Variants in NBPF9 observed in about 807,000 individuals in gnomAD.
NBPF9 encodes the protein NBPF family member NBPF9.
Under a neutral mutation model 97.8 loss-of-function variants are expected in NBPF9, and 91 were observed. That is an observed-to-expected ratio of 0.93 (90% CI 0.79 to 1.11). NBPF9 has a LOEUF of 1.11. Among genes scored for constraint, NBPF9 ranks in the 50% least tolerant of loss-of-function variants. The probability of loss-of-function intolerance (pLI) is 0.00; values close to 1 mark genes in which losing one functional copy is unlikely to be tolerated. For missense variants in NBPF9, 992 were observed against 939.5 expected (o/e 1.06, Z -0.73); for synonymous variants, 334 against 359.5 (o/e 0.93, Z 0.80).
At position 149,082,180 on chromosome 1, in the gene NBPF9, G is replaced by C. The variant is rs2080527005; in HGVS notation, c.-35-6C>G. The C allele has an allele frequency of 1.2e-6, 2 of 1,611,620 alleles. No individual in the cohort carries two copies. Among genetic ancestry groups the C allele is most frequent in the Admixed American group, 3.3e-5 (2 of 60,014 alleles). On this transcript the variant is annotated splice_polypyrimidine_tract_variant and splice_region_variant and intron_variant, in intron 6 of 29. Coordinates refer to ENST00000584027, the Ensembl canonical transcript of NBPF9. ...AGAAGAGGTGGGGCCAGGGACTGGG[G>C]AGAAGAAACCCAAACATATGATGGG...
intron 5 of NBPF9, among the ~76,000 whole-genome samples, chr1:149,089,942 G>A (rs1295027814): frequency 2.6e-5 from 4 of 152,138 alleles, no homozygotes; most frequent in Non-Finnish European, 4.4e-5. Context: ...AGAGTCAGGG[G>A]CAGCATCAGC....
At chr1:149,061,740 T>C in intron 22 of NBPF9, 2 of 265,924 alleles carry the variant, frequency 7.5e-6, no homozygotes, top group South Asian at 2.9e-5. Context: ...AGCTCGTTCA[T>C]GGATGCAAGA....
rs1456845942 is a variant in NBPF9 at position 149,061,434 on chromosome 1, C to T, written c.2252-51G>A. On this transcript the variant is annotated intron_variant, in intron 22 of 29. Transcript: ENST00000584027. ...ACAAAATAAGCCAATTCACCTACACCCATAACAGTCCACTGTCTAATCCCC... is the reference window on the plus strand; with the variant it reads ...ACAAAATAAGCCAATTCACCTACACTCATAACAGTCCACTGTCTAATCCCC... 678 of 388,122 alleles carry T rather than the reference C, an allele frequency of 1.7e-3. 206 individuals are homozygous for T. The highest frequency in any genetic ancestry group is 2.7e-3 in the Non-Finnish European group (601 of 219,582). The allele number at this position is 388,122 out of a possible 1,614,324, so 24.0% of individuals were successfully genotyped here. A position where few individuals can be genotyped will look rare whatever the true frequency, so the allele number is the denominator to read the frequency against.
chr1:149,101,872 C>T (rs1553245249), intron 2 of NBPF9, among the ~76,000 whole-genome samples: 28 of 146,586 alleles, frequency 1.9e-4, no homozygotes, highest in Middle Eastern at 3.7e-3. Flanking sequence ...TCTAGTAATG[C>T]TCTATTTCTT....
At chr1:149,055,420 G>C (rs1175208525) in exon 30 of NBPF9, 21 of 687,638 alleles carry the variant, frequency 3.1e-5, no homozygotes, top group Non-Finnish European at 4.8e-5. Context: ...ATGTCTGACT[G>C]ATCACTCCCG....
At chr1:149,062,587 A>T (rs1553650383) in intron 21 of NBPF9, among the ~76,000 whole-genome samples, 2 of 138,836 alleles carry the variant, frequency 1.4e-5, no homozygotes, top group Non-Finnish European at 1.6e-5. Flanking sequence ...TCATGAAAAG[A>T]GTGGGCTCAA....
At chr1:149,077,681 C>T (rs1382341331) in intron 10 of NBPF9, among the ~76,000 whole-genome samples, 1 of 152,110 alleles carries the variant, frequency 6.6e-6, no homozygotes, top group Admixed American at 6.6e-5. Context: ...TCAGCTATCC[C>T]TGTATGGTAC....
chr1:149,085,119 C>T (rs1553658063), intron 5 of NBPF9, among the ~76,000 whole-genome samples: 1 of 151,992 alleles, frequency 6.6e-6, no homozygotes, highest in African/African-American at 2.4e-5. Context: ...CTCCACACAC[C>T]TTATTGCTGC....
chr1:149,073,796 C>T (rs2079614816), exon 13 of NBPF9: 3 of 1,576,646 alleles, frequency 1.9e-6, no homozygotes, highest in South Asian at 1.1e-5. Flanking sequence ...TTCAGCTGCT[C>T]TGCAAGCTTC....
chr1:149,071,181 C>A (rs1477373669), intron 15 of NBPF9, 42 bp from the exon 16 acceptor site: 5 of 1,301,850 alleles, frequency 3.8e-6, no homozygotes, highest in Non-Finnish European at 5.5e-6. Flanking sequence ...AGATTAAACA[C>A]AGAGGGATTG....
At chr1:149,094,331 ATG>A (rs1214709334) in intron 4 of NBPF9, among the ~76,000 whole-genome samples, 1 of 123,596 alleles carries the variant, frequency 8.1e-6, no homozygotes, top group East Asian at 2.4e-4. Flanking sequence ...GACTACTATT[ATG>A]TTTCCCCAAA....
chr1:149,097,674 T>C (rs1401503528), intron 4 of NBPF9, among the ~76,000 whole-genome samples: 1 of 152,008 alleles, frequency 6.6e-6, no homozygotes. Flanking sequence ...TTTCTCCCCC[T>C]CTCAATGCCT....
At chr1:149,062,711 A>G (rs4086313) in intron 21 of NBPF9, 151 bp downstream of exon 21, 1 of 696,448 alleles carries the variant, frequency 1.4e-6, no homozygotes, top group Non-Finnish European at 2.6e-6. Context: ...GGAAACCTAA[A>G]CATCTACTGC....
At chr1:149,069,319 C>T (rs1235174548) in intron 17 of NBPF9, among the ~76,000 whole-genome samples, 1 of 151,490 alleles carries the variant, frequency 6.6e-6, no homozygotes, top group Non-Finnish European at 1.5e-5. Context: ...TTCAAAAAAT[C>T]AATGAATCCA....
chr1:149,055,403 A>C (rs1553648492), exon 30 of NBPF9: 1 of 672,858 alleles, frequency 1.5e-6, no homozygotes, highest in East Asian at 3.0e-5. Context: ...ACGTGGTTCA[A>C]ATTAAAATGT....
chr1:149,064,919 T>A (rs1553651314), intron 18 of NBPF9: 1 of 526,002 alleles, frequency 1.9e-6, no homozygotes, highest in Admixed American at 3.3e-5. Context: ...AAAATGTAAC[T>A]TGGTTCTACA....
rs1196535929 is a variant in NBPF9 at position 149,061,505 on chromosome 1, C to G, written c.2252-122G>C. 2.8e-4 allele frequency: 138 copies of G among 485,810 alleles called. 48 individuals are homozygous for G. The highest frequency in any genetic ancestry group is 2.4e-3 in the South Asian group (115 of 47,556). The allele number at this position is 485,810 out of a possible 1,614,324, so 30.1% of individuals were successfully genotyped here. A position where few individuals can be genotyped will look rare whatever the true frequency, so the allele number is the denominator to read the frequency against. On this transcript the variant is annotated intron_variant, in intron 22 of 29. Transcript: ENST00000584027. Reference sequence around the variant, plus strand: ...TCAGCATGAGCACAGGACAATGTGACAGATATACTTCAGGAAGCCTGAAAG... The same window carrying G: ...TCAGCATGAGCACAGGACAATGTGAGAGATATACTTCAGGAAGCCTGAAAG...
exon 1 of NBPF9, chr1:149,103,458 C>T (rs2082286520): frequency 6.6e-6 from 1 of 152,402 alleles, no homozygotes; most frequent in African/African-American, 2.4e-5. Context: ...CCTCGCGACG[C>T]TCACCTACCC....
exon 16 of NBPF9, chr1:149,071,108 G>A: frequency 1.9e-6 from 3 of 1,606,036 alleles, no homozygotes; most frequent in Non-Finnish European, 2.6e-6. Flanking sequence ...GAGTCCTCAG[G>A]GACTTCCTTT....
Sources: gnomAD v4.1 joint callset for allele counts (sites outside exome capture counted in the v4.1 genomes callset) on GRCh38, gnomAD v4.1.1 for gene constraint, MANE v1.5 for transcripts, NCBI Gene and HGNC (gene_info 2026-07-23, HGNC 2026-07-21) for gene names.